ZNF689: variants seen among roughly 807,000 people sequenced by gnomAD.
ZNF689 encodes the protein short ORF-encoded histone-binding protein.
ZNF689 carries 14 observed loss-of-function variants against 37.2 expected under a neutral mutation model. The ratio of observed to expected loss-of-function variants is 0.38; its 90% CI spans 0.25 to 0.59. ZNF689 has a LOEUF of 0.59. ZNF689 is among the 20% of genes least tolerant of loss of function. The probability of loss-of-function intolerance (pLI) is 0.68; values close to 1 mark genes in which losing one functional copy is unlikely to be tolerated. For missense variants in ZNF689, 573 were observed against 700.2 expected (o/e 0.82, Z 2.05); for synonymous variants, 277 against 283.3 (o/e 0.98, Z 0.22).
rs749335014 is a variant in ZNF689, at chr16:30,604,962, G to A, written c.805C>T (p.Arg269Cys). ...GCTAGCAGGGAGGGGTAGGCGAAGCGACGTCCACAGCTAGGGCACTGGTGG... is the reference window on the plus strand; with the variant it reads ...GCTAGCAGGGAGGGGTAGGCGAAGCAACGTCCACAGCTAGGGCACTGGTGG... Reference protein sequence around the residue: ...KPHQCPSCGRRFAYPSLLAIH... With the variant: ...KPHQCPSCGRCFAYPSLLAIH... Residue 269 changes from arginine (R) to cysteine (C), a missense_variant, in exon 3 of 3, where the codon CGC (arginine) becomes TGC (cysteine). Transcript: ENST00000287461. The surrounding 1 kb of genome is among the most constrained non-coding windows in gnomAD (Gnocchi z 5.2). 1.9e-6 allele frequency: 3 copies of A among 1,581,332 alleles called. No homozygotes were observed. The highest frequency in any genetic ancestry group is 2.2e-5 in the East Asian group (1 of 44,574).
rs375201127 is a variant in ZNF689 at position 30,605,012 on chromosome 16, C to T, written c.755G>A (p.Arg252Gln). The T allele has an allele frequency of 1.2e-6, 2 of 1,607,494 alleles. No individual in the cohort carries two copies. The highest frequency in any genetic ancestry group is 1.3e-5 in the African/African-American group (1 of 74,774). The change falls in exon 3 of 3, where the codon CGG (arginine) becomes CAG (glutamine). Residue 252 changes from arginine to glutamine, a missense_variant. Transcript: ENST00000287461. This position sits in a 1 kb window ranked among gnomAD's most constrained non-coding sequence, Gnocchi z 5.1. ...FRRSRSLANH[R>Q]TTHTGEKPHQ... ...GGGTTTTTCACCTGTGTGTGTGGTC[C>T]GGTGATTGGCCAAGGACCGGCTCCT...
At position 30,610,160 on chromosome 16, in the gene ZNF689, C is replaced by T. The variant is rs537069370; in HGVS notation, c.-119G>A. On this transcript the variant is annotated 5_prime_UTR_variant, in exon 1 of 3. Transcript: ENST00000287461. Reference sequence around the variant, plus strand: ...AGGGCTGAGCGTGGCCGGGGAGGCCCGGAGGGAATCGGAATTGGTCGCCCG... The same window carrying T: ...AGGGCTGAGCGTGGCCGGGGAGGCCTGGAGGGAATCGGAATTGGTCGCCCG... 1.7e-4 allele frequency: 204 copies of T among 1,219,458 alleles called. No homozygotes were observed. In the African/African-American group the frequency reaches 3.0e-3, roughly 18 times the overall value. The allele number at this position is 1,219,458 out of a possible 1,614,324, so 75.5% of individuals were successfully genotyped here. A position where few individuals can be genotyped will look rare whatever the true frequency, so the allele number is the denominator to read the frequency against.
At chr16:30,609,691 A>G (rs1567529465) in intron 1 of ZNF689, 53 bp from the exon 2 acceptor site, 1 of 1,610,912 alleles carries the variant, frequency 6.2e-7, no homozygotes, top group African/African-American at 1.3e-5. Flanking sequence ...GCCGAGTAGT[A>G]TCTCCCCGAC....
chr16:30,610,012 C>T lies in ZNF689; in HGVS notation c.30G>A (p.Ala10=). 1 of 1,603,740 alleles carries T rather than the reference C, an allele frequency of 6.2e-7. No individual in the cohort carries two copies. Among genetic ancestry groups the T allele is most frequent in the East Asian group, 2.3e-5 (1 of 44,434 alleles). The change falls in exon 1 of 3, where the codon GCG becomes GCA. Residue 10 remains alanine (A), a synonymous_variant. Transcript: ENST00000287461. ...TGGGTCTGGCCTTTCCTGGTCCCTGCGCAGGGAGCGGAGCCGAAGGTGGCG... is the reference window on the plus strand; with the variant it reads ...TGGGTCTGGCCTTTCCTGGTCCCTGTGCAGGGAGCGGAGCCGAAGGTGGCG... MAPPSAPLP[A]QGPGKARPSR... is the part of the protein sequence containing the mutation.
At position 30,608,280 on chromosome 16, in the gene ZNF689, C is replaced by CT. The variant is rs34335163; in HGVS notation, c.319+1244dup. 4.1e-3 allele frequency: 610 copies of CT among 148,218 alleles called. 5 individuals are homozygous for CT. Among genetic ancestry groups the CT allele is most frequent in the African/African-American group, 0.014 (567 of 40,424 alleles). The allele number at this position is 148,218 out of a possible 1,614,324, so 9.2% of individuals were successfully genotyped here. A position where few individuals can be genotyped will look rare whatever the true frequency, so the allele number is the denominator to read the frequency against. On this transcript the variant is annotated intron_variant, in intron 2 of 2. Coordinates refer to ENST00000287461, the MANE Select transcript of ZNF689 (RefSeq NM_138447.3). ...GTATTTTACCCAATGGTTTTCTTTT[C>CT]TTTTTTTTTTTCCCCCAAGATGGAG...
rs1341152901 is a variant in ZNF689 at position 30,610,242 on chromosome 16, G to C, written c.-201C>G. Reference sequence around the variant, plus strand: ...AGGAAACTCCTGCCCGAACTTGGGTGAAAGGCACCGGAAGATGCCTTCGGG... The same window carrying C: ...AGGAAACTCCTGCCCGAACTTGGGTCAAAGGCACCGGAAGATGCCTTCGGG... On this transcript the variant is annotated 5_prime_UTR_variant, in exon 1 of 3. An upstream open reading frame in the 5' UTR gains an earlier in-frame stop. Transcript: ENST00000287461. 3.1e-6 allele frequency: 2 copies of C among 639,516 alleles called. No homozygotes were observed. Among genetic ancestry groups the C allele is most frequent in the African/African-American group, 1.9e-5 (1 of 53,656 alleles). 39.6% of individuals were successfully genotyped at this position (639,516 alleles called of 1,614,324 possible). A position where few individuals can be genotyped will look rare whatever the true frequency, so the allele number is the denominator to read the frequency against.
chr16:30,609,964 C>T lies in ZNF689; in HGVS notation c.78G>A (p.Pro26=). 6.2e-7 allele frequency: 1 copy of T among 1,611,922 alleles called. No individual in the cohort carries two copies. The highest frequency in any genetic ancestry group is 8.5e-7 in the Non-Finnish European group (1 of 1,179,434). ...ARPSRKRGRR[P]RALKFVDVAV... ...CCACGTCCACGAACTTCAGAGCCCT[C>T]GGCCTCCTGCCCCTTTTCCGACTGG... Residue 26 remains proline, a synonymous_variant, in exon 1 of 3, where the codon CCG becomes CCA. Coordinates refer to ENST00000287461, the MANE Select transcript of ZNF689 (RefSeq NM_138447.3).
Position 30,609,867 on chromosome 16 carries a change from G to A in ZNF689, c.175C>T (p.Arg59Trp), listed in dbSNP as rs1164171173. ...GCGCCCAGGTGACCGTAGGTCTCCC[G>A]CATCACGTCCCGGTACAGGGCCCTC... The part of the protein sequence containing the change: ...AQRALYRDVM[R>W]ETYGHLGALG... The change falls in exon 1 of 3, where the codon CGG becomes TGG. Residue 59 changes from arginine (R) to tryptophan (W), a missense_variant. Physicochemically the swap from Arg to Trp is moderately radical, Grantham distance 101. This residue lies in a region of ZNF689 where 252 missense variants were observed against 313.3 expected (regional missense o/e 0.80). Transcript: ENST00000287461. 6.2e-7 allele frequency: 1 copy of A among 1,610,208 alleles called. No individual in the cohort carries two copies. The highest frequency in any genetic ancestry group is 1.3e-5 in the African/African-American group (1 of 74,958).
Position 30,609,633 on chromosome 16 carries a change from C to T in ZNF689, c.211G>A (p.Ala71Thr). Reference protein sequence around the residue: ...TYGHLGALGCAGPKPALISWL... With the variant: ...TYGHLGALGCTGPKPALISWL... ...GAGATGAGGGCTGGTTTGGGACCTG[C>T]GCACCCTGGGGAAAGAGAACAAATC... Residue 71 changes from alanine (A) to threonine (T), a missense_variant, in exon 2 of 3, where the codon GCA becomes ACA. By Grantham distance (58) the Ala-to-Thr change is moderately conservative (BLOSUM62 0). Coordinates refer to ENST00000287461, the MANE Select transcript of ZNF689 (RefSeq NM_138447.3). 1 of 1,613,940 alleles carries T rather than the reference C, an allele frequency of 6.2e-7. No homozygotes were observed. Among genetic ancestry groups the T allele is most frequent in the African/African-American group, 1.3e-5 (1 of 74,958 alleles).
In ZNF689 at chr16:30,604,155, C is replaced by G. The variant is rs754185087; in HGVS notation, c.*109G>C. On this transcript the variant is annotated 3_prime_UTR_variant, in exon 3 of 3. Transcript: ENST00000287461. The surrounding 1 kb of genome is among the most constrained non-coding windows in gnomAD (Gnocchi z 5.2). The stretch of plus-strand genomic sequence containing the variant: ...AGATACAAAGTTCAGCTCTGTGCAG[C>G]AGGAGACCCGGGTTTAGTTCTGACT... The G allele has an allele frequency of 2.5e-6, 3 of 1,192,476 alleles. No homozygotes were observed. In the South Asian group the frequency reaches 3.9e-5, roughly 15 times the overall value. The allele number at this position is 1,192,476 out of a possible 1,614,324, so 73.9% of individuals were successfully genotyped here. A position where few individuals can be genotyped will look rare whatever the true frequency, so the allele number is the denominator to read the frequency against.
At position 30,604,557 on chromosome 16, in the gene ZNF689, C is replaced by A. The variant is rs907805125; in HGVS notation, c.1210G>T (p.Asp404Tyr). ...TAGGCAAAGCGGCGACCACAGTCGT[C>A]GCAGGCGTGCAGCTTCTCCTCTGTG... is the stretch of plus-strand genomic sequence containing the variant. The part of the protein sequence containing the change: ...THTEEKLHAC[D>Y]DCGRRFAYPS... The change falls in exon 3 of 3, where the codon GAC becomes TAC. Residue 404 changes from aspartate (D) to tyrosine (Y), a missense_variant. This residue lies in a region of ZNF689 where 317 missense variants were observed against 367.1 expected (regional missense o/e 0.86). Transcript: ENST00000287461. The surrounding 1 kb of genome is among the most constrained non-coding windows in gnomAD (Gnocchi z 5.2). The A allele has an allele frequency of 6.3e-7, 1 of 1,587,386 alleles. No homozygotes were observed. The highest frequency in any genetic ancestry group is 8.6e-7 in the Non-Finnish European group (1 of 1,167,722).
At position 30,604,373 on chromosome 16, in the gene ZNF689, C is replaced by G; in HGVS notation, c.1394G>C (p.Cys465Ser). The G allele has an allele frequency of 1.2e-6, 2 of 1,613,614 alleles. No individual in the cohort carries two copies. The highest frequency in any genetic ancestry group is 1.7e-6 in the Non-Finnish European group (2 of 1,179,844). Residue 465 changes from cysteine to serine, a missense_variant, in exon 3 of 3, where the codon TGC becomes TCC. Transcript: ENST00000287461. This position sits in a 1 kb window ranked among gnomAD's most constrained non-coding sequence, Gnocchi z 5.2. Reference protein sequence around the residue: ...KPFPCLECGRCFRQRWSLAVH... With the variant: ...KPFPCLECGRSFRQRWSLAVH... ...AGCCAGAGACCACCTCTGGCGGAAG[C>G]ACCGGCCACACTCGAGGCAGGGGAA...
At chr16:30,608,652 C>T (rs2052058210) in intron 2 of ZNF689, 1 of 152,168 alleles carries the variant, frequency 6.6e-6, no homozygotes, top group Non-Finnish European at 1.5e-5. Context: ...AACATTCACA[C>T]GAGTGAATGA....
Position 30,605,277 on chromosome 16 carries a change from G to A in ZNF689, c.490C>T (p.Leu164=), listed in dbSNP as rs758580336. ...CGCTFPDHQA[L]ESHKCAQNLK... is the part of the protein sequence containing the mutation. ...TTCTGGGCGCACTTGTGGCTCTCCA[G>A]GGCCTGATGATCAGGGAAGGTACAG... The change falls in exon 3 of 3, where the codon CTG becomes TTG. Residue 164 remains leucine, a synonymous_variant. Coordinates refer to ENST00000287461, the MANE Select transcript of ZNF689 (RefSeq NM_138447.3). This position sits in a 1 kb window ranked among gnomAD's most constrained non-coding sequence, Gnocchi z 5.1. 4.4e-5 allele frequency: 71 copies of A among 1,610,994 alleles called. No individual in the cohort carries two copies. The highest frequency in any genetic ancestry group is 5.7e-5 in the Non-Finnish European group (67 of 1,177,982).
In ZNF689 at chr16:30,602,779, T is replaced by G. The variant is rs1042285904; in HGVS notation, c.*1485A>C. 6.6e-6 allele frequency: 1 copy of G among 152,300 alleles called. No individual in the cohort carries two copies. Among genetic ancestry groups the G allele is most frequent in the East Asian group, 1.9e-4 (1 of 5,184 alleles). The allele number at this position is 152,300 out of a possible 1,614,324, so 9.4% of individuals were successfully genotyped here. A position where few individuals can be genotyped will look rare whatever the true frequency, so the allele number is the denominator to read the frequency against. On this transcript the variant is annotated 3_prime_UTR_variant, in exon 3 of 3. Transcript: ENST00000287461. ...GCCACAGGGGTAAAGGATGACCCAC[T>G]CCAGCTGTTGGAATATGAGATGAGT...
chr16:30,610,157 G>A lies in ZNF689; in HGVS notation c.-116C>T, dbSNP rs2052083370. ...ACCAGGGCTGAGCGTGGCCGGGGAGGCCCGGAGGGAATCGGAATTGGTCGC... is the reference window on the plus strand; with the variant it reads ...ACCAGGGCTGAGCGTGGCCGGGGAGACCCGGAGGGAATCGGAATTGGTCGC... On this transcript the variant is annotated 5_prime_UTR_variant, in exon 1 of 3. Coordinates refer to ENST00000287461, the MANE Select transcript of ZNF689 (RefSeq NM_138447.3). The A allele has an allele frequency of 2.4e-6, 3 of 1,266,214 alleles. No individual in the cohort carries two copies. The highest frequency in any genetic ancestry group is 1.5e-5 in the African/African-American group (1 of 65,920). 78.4% of individuals were successfully genotyped at this position (1,266,214 alleles called of 1,614,324 possible). A position where few individuals can be genotyped will look rare whatever the true frequency, so the allele number is the denominator to read the frequency against.
chr16:30,609,724 C>G (rs2052075653), intron 1 of ZNF689, 86 bp from the exon 2 acceptor site: 1 of 1,590,930 alleles, frequency 6.3e-7, no homozygotes, highest in Non-Finnish European at 8.6e-7. Context: ...TAAGCCCCTG[C>G]CCACCTCCCC....
rs1422093198 is a variant in ZNF689 at position 30,604,409 on chromosome 16, C to G, written c.1358G>C (p.Gly453Ala). Residue 453 changes from glycine (G) to alanine (A), a missense_variant, in exon 3 of 3, where the codon GGG becomes GCG. Physicochemically the swap from Gly to Ala is moderately conservative, Grantham distance 60 (BLOSUM62 0). Around this residue, in one of 3 missense-constraint regions of ZNF689, gnomAD observed 317 missense variants for 367.1 expected, o/e 0.86. Transcript: ENST00000287461. This position sits in a 1 kb window ranked among gnomAD's most constrained non-coding sequence, Gnocchi z 5.2. ...HLAQHQLLHTGEKPFPCLECG... is the reference protein window; with the variant it reads ...HLAQHQLLHTAEKPFPCLECG... ...CTCGAGGCAGGGGAAAGGCTTCTCCCCCGTGTGCAGCAGCTGGTGCTGGGC... is the reference window on the plus strand; with the variant it reads ...CTCGAGGCAGGGGAAAGGCTTCTCCGCCGTGTGCAGCAGCTGGTGCTGGGC... 6 of 1,613,728 alleles carry G rather than the reference C, an allele frequency of 3.7e-6. No homozygotes were observed. The South Asian group carries it at 6.6e-5, about 18-fold the overall frequency.
rs757248023 is a variant in ZNF689, at chr16:30,609,795, C to T, written c.205+42G>A. 7 of 1,574,670 alleles carry T rather than the reference C, an allele frequency of 4.4e-6. No individual in the cohort carries two copies. In the South Asian group the frequency reaches 8.0e-5, roughly 18 times the overall value. ...CTGCCTACACCCTCTCCGGCTCCTG[C>T]ATCCCTTCGCGCCCCGCGGCAGCGG... On this transcript the variant is annotated intron_variant, in intron 1 of 2. Transcript: ENST00000287461.
Sources: gnomAD v4.1 joint callset for allele counts on GRCh38, gnomAD v4.1.1 for gene constraint, gnomAD v4.1.1 regional missense constraint, Gnocchi (gnomAD v3.1) non-coding constraint, MANE v1.5 for transcripts, NCBI Gene and HGNC (gene_info 2026-07-23, HGNC 2026-07-21) for gene names.